Variants in DPH6 observed in about 807,000 individuals in gnomAD.
DPH6 encodes the protein diphthamine biosynthesis 6, also known as diphthine--ammonia ligase.
DPH6 carries 33 observed loss-of-function variants against 38.2 expected under a neutral mutation model. That is an observed-to-expected ratio of 0.86 (90% confidence interval 0.65 to 1.15). The LOEUF is 1.15. DPH6 is among the 50% of genes most tolerant of loss of function. The probability of loss-of-function intolerance (pLI) is 0.00; values close to 1 mark genes in which losing one functional copy is unlikely to be tolerated. For missense variants in DPH6, 325 were observed against 320.0 expected (o/e 1.02, Z -0.12); for synonymous variants, 108 against 103.0 (o/e 1.05, Z -0.30).
intron 3 of DPH6, among the ~76,000 whole-genome samples, chr15:35,319,992 C>A (rs2052225853): frequency 6.6e-6 from 1 of 152,082 alleles, no homozygotes; most frequent in African/African-American, 2.4e-5. Context: ...TGCCATTTTA[C>A]ATGGAGCTAT....
intron 3 of DPH6, among the ~76,000 whole-genome samples, chr15:35,325,385 C>T (rs968202175): frequency 1.3e-5 from 2 of 151,906 alleles, no homozygotes; most frequent in African/African-American, 4.8e-5. Flanking sequence ...ACAATTAGAC[C>T]AAGGGAACAG....
At chr15:35,214,959 A>G (rs939159928), downstream of DPH6, among the ~76,000 whole-genome samples, 1 of 152,232 alleles carries the variant, frequency 6.6e-6, no homozygotes, top group Non-Finnish European at 1.5e-5. Flanking sequence ...GCAAGAATCT[A>G]TGCTCAACCC....
intron 3 of DPH6, among the ~76,000 whole-genome samples, chr15:35,483,004 T>C (rs1566926531): frequency 6.6e-6 from 1 of 151,862 alleles, no homozygotes; most frequent in Non-Finnish European, 1.5e-5. Flanking sequence ...AATTATAAAA[T>C]TACCTATTAA....
intron 3 of DPH6, among the ~76,000 whole-genome samples, chr15:35,287,640 A>G (rs886550219): frequency 1.3e-5 from 2 of 152,188 alleles, no homozygotes; most frequent in African/African-American, 4.8e-5. Context: ...CGAACAGTGT[A>G]GTAAGAAGAT....
intron 3 of DPH6, among the ~76,000 whole-genome samples, chr15:35,468,800 G>C (rs959604487): frequency 6.6e-6 from 1 of 152,106 alleles, no homozygotes; most frequent in Admixed American, 6.5e-5. Context: ...GGGCGCGGTG[G>C]CTCATGCCAG....
chr15:35,382,462 C>T (rs1479355045), intron 6 of DPH6, among the ~76,000 whole-genome samples: 2 of 151,980 alleles, frequency 1.3e-5, no homozygotes, highest in Non-Finnish European at 2.9e-5. Context: ...CACACACACA[C>T]ACACACACAC....
chr15:35,191,432 G>C, the DPH6 span, among the ~76,000 whole-genome samples: 2 of 152,240 alleles, frequency 1.3e-5, no homozygotes, highest in East Asian at 3.9e-4. Flanking sequence ...TATCATGCTT[G>C]TCATTTGAAA....
chr15:35,295,314 C>G (rs1194176065), intron 3 of DPH6, among the ~76,000 whole-genome samples: 1 of 152,164 alleles, frequency 6.6e-6, no homozygotes, highest in Non-Finnish European at 1.5e-5. Flanking sequence ...CCCCCCAAGT[C>G]CACAGTTATT....
At chr15:35,416,166 T>C (rs908802673) in intron 5 of DPH6, among the ~76,000 whole-genome samples, 31 of 152,026 alleles carry the variant, frequency 2.0e-4, no homozygotes, top group African/African-American at 7.5e-4. Context: ...AAAAATCTCA[T>C]AGTGTTAGAG....
intron 3 of DPH6, among the ~76,000 whole-genome samples, chr15:35,525,524 C>T (rs1286311765): frequency 1.3e-5 from 2 of 152,072 alleles, no homozygotes; most frequent in African/African-American, 4.8e-5. Context: ...CAGGGGACAA[C>T]TAATTATTGA....
At chr15:35,268,204 T>G (rs1334450770) in intron 3 of DPH6, among the ~76,000 whole-genome samples, 2 of 148,462 alleles carry the variant, frequency 1.3e-5, no homozygotes, top group African/African-American at 4.9e-5. Context: ...AATAAATAAA[T>G]AAATAAATAA....
At chr15:35,414,128 T>C (rs1256211889) in intron 5 of DPH6, among the ~76,000 whole-genome samples, 1 of 151,694 alleles carries the variant, frequency 6.6e-6, no homozygotes, top group Non-Finnish European at 1.5e-5. Flanking sequence ...ATTTACAATG[T>C]TTATGCTCAC....
chr15:35,499,125 T>C (rs888621810), intron 3 of DPH6, among the ~76,000 whole-genome samples: 6 of 152,178 alleles, frequency 3.9e-5, no homozygotes, highest in Non-Finnish European at 7.4e-5. Flanking sequence ...GTCTATACTT[T>C]TCCATTTTTC....
At chr15:35,473,480 G>A (rs967801228) in intron 3 of DPH6, among the ~76,000 whole-genome samples, 3 of 138,672 alleles carry the variant, frequency 2.2e-5, no homozygotes, top group African/African-American at 8.7e-5. Context: ...TCAAAAAACT[G>A]CCCAATTATC....
At chr15:35,468,175 G>A (rs1237138519) in intron 3 of DPH6, among the ~76,000 whole-genome samples, 1 of 152,166 alleles carries the variant, frequency 6.6e-6, no homozygotes, top group African/African-American at 2.4e-5. Flanking sequence ...AAAGCATTGT[G>A]CTTATCTCTT....
intron 3 of DPH6, among the ~76,000 whole-genome samples, chr15:35,517,877 G>A (rs1233805911): frequency 6.6e-6 from 1 of 151,920 alleles, no homozygotes. Flanking sequence ...TTATACTGAA[G>A]ACACATTCCG....
the DPH6 span, among the ~76,000 whole-genome samples, chr15:35,178,464 T>C: frequency 2.0e-5 from 3 of 151,362 alleles, no homozygotes; most frequent in Non-Finnish European, 4.4e-5. Context: ...CTTGTGAGAC[T>C]TATTCACTGT....
At chr15:35,420,932 G>A (rs1436195422) in intron 5 of DPH6, among the ~76,000 whole-genome samples, 2 of 151,988 alleles carry the variant, frequency 1.3e-5, no homozygotes, top group East Asian at 1.9e-4. Context: ...CATTATAACC[G>A]GTAACACGGA....
Position 35,472,019 on chromosome 15 carries a change from C to T in DPH6, c.313-17199G>A, listed in dbSNP as rs1283650110. 2.6e-5 allele frequency among the ~76,000 whole-genome samples: 4 copies of T among 152,084 alleles called. No homozygotes were observed. In the South Asian group the frequency reaches 6.2e-4, roughly 24 times the overall value. On this transcript the variant is annotated intron_variant, in intron 3 of 8. Coordinates refer to ENST00000256538, the MANE Select transcript of DPH6 (RefSeq NM_080650.4). The stretch of plus-strand genomic sequence containing the variant: ...TGAAAATAACGTTGTGCTTTAGCTG[C>T]GTTGTGCTACAATCGTGCCCGTGAA...
Sources: allele counts gnomAD v4.1 joint callset (sites outside exome capture counted in the v4.1 genomes callset), GRCh38; gene constraint gnomAD v4.1.1; transcripts MANE v1.5; gene names NCBI Gene and HGNC (gene_info 2026-07-23, HGNC 2026-07-21).